The following ADGRL2 variants were observed in gnomAD, a reference collection of about 807,000 sequenced individuals.
ADGRL2 encodes the protein adhesion G protein-coupled receptor L2.
A neutral mutation model predicts 157.4 loss-of-function variants in ADGRL2; 44 were observed. The ratio of observed to expected loss-of-function variants is 0.28; its 90% CI spans 0.22 to 0.36. The LOEUF (loss-of-function observed/expected upper bound fraction) is 0.36. Ranked by LOEUF, ADGRL2 falls within the 10% of genes least tolerant of loss-of-function variation. The pLI is 1.00. For missense variants in ADGRL2, 1,510 were observed against 1,768.9 expected (o/e 0.85, Z 2.63); for synonymous variants, 585 against 624.7 (o/e 0.94, Z 0.95).
At chr1:81,442,203 C>T (rs943915866) in intron 1 of ADGRL2, among the ~76,000 whole-genome samples, 2 of 152,108 alleles carry the variant, frequency 1.3e-5, no homozygotes, top group African/African-American at 4.8e-5. Flanking sequence ...AATATAAAGT[C>T]CTTTTAAAAA....
chr1:81,709,888 G>A (rs1224188076), intron 1 of ADGRL2, among the ~76,000 whole-genome samples: 1 of 152,088 alleles, frequency 6.6e-6, no homozygotes, highest in Admixed American at 6.6e-5. Context: ...AATGAAAGAA[G>A]TAAAGTCAAT....
intron 2 of ADGRL2, among the ~76,000 whole-genome samples, chr1:81,549,638 C>T (rs1250918912): frequency 6.6e-6 from 1 of 152,126 alleles, no homozygotes; most frequent in African/African-American, 2.4e-5. Context: ...TTGAGAAGAA[C>T]CTAGCCACCA....
intron 1 of ADGRL2, among the ~76,000 whole-genome samples, chr1:81,374,240 A>G (rs1053258600): frequency 2.0e-5 from 3 of 152,198 alleles, no homozygotes; most frequent in Admixed American, 2.0e-4. Context: ...CCCCAACGTG[A>G]CACAATAAGT....
intron 3 of ADGRL2, among the ~76,000 whole-genome samples, chr1:81,655,430 A>G (rs555202939): frequency 1.3e-5 from 2 of 152,140 alleles, no homozygotes; most frequent in Non-Finnish European, 2.9e-5. Context: ...TCAAACCCAC[A>G]TATGTCAGAC....
At chr1:81,723,429 A>C (rs1282855572) in intron 1 of ADGRL2, among the ~76,000 whole-genome samples, 2 of 152,218 alleles carry the variant, frequency 1.3e-5, no homozygotes, top group African/African-American at 4.8e-5. Flanking sequence ...ATTTAAAACA[A>C]ATTTAAAGGG....
chr1:81,799,981 C>G (rs1378203384), upstream of ADGRL2, among the ~76,000 whole-genome samples: 6 of 152,146 alleles, frequency 3.9e-5, no homozygotes, highest in African/African-American at 1.4e-4. Flanking sequence ...CTGTCCTGCT[C>G]TGTTCCTTTC....
At chr1:81,808,840 C>T (rs1475913529) in intron 1 of ADGRL2, among the ~76,000 whole-genome samples, 2 of 151,956 alleles carry the variant, frequency 1.3e-5, no homozygotes, top group African/African-American at 4.8e-5. Context: ...ATTCTGGCAC[C>T]CAGATTTACG....
intron 2 of ADGRL2, among the ~76,000 whole-genome samples, chr1:81,902,706 A>G (rs1474667673): frequency 6.6e-6 from 1 of 152,176 alleles, no homozygotes; most frequent in African/African-American, 2.4e-5. Context: ...AGGAAAGTAC[A>G]ATGAGGCATG....
intron 3 of ADGRL2, among the ~76,000 whole-genome samples, chr1:81,618,604 T>C (rs1186843315): frequency 6.6e-6 from 1 of 152,240 alleles, no homozygotes; most frequent in Non-Finnish European, 1.5e-5. Flanking sequence ...CAAGTGTGAC[T>C]GTTCACATAG....
chr1:81,545,811 C>A (rs2080002045), intron 2 of ADGRL2, among the ~76,000 whole-genome samples: 1 of 152,084 alleles, frequency 6.6e-6, no homozygotes, highest in African/African-American at 2.4e-5. Context: ...TCCTAACCCC[C>A]ACACTATCAA....
At chr1:81,355,078 T>C (rs1215510233) in intron 1 of ADGRL2, among the ~76,000 whole-genome samples, 1 of 152,214 alleles carries the variant, frequency 6.6e-6, no homozygotes, top group African/African-American at 2.4e-5. Flanking sequence ...TTTTTCTATG[T>C]TTTAATAAAT....
intron 2 of ADGRL2, among the ~76,000 whole-genome samples, chr1:81,518,170 G>A (rs2079225309): frequency 6.6e-6 from 1 of 152,250 alleles, no homozygotes; most frequent in African/African-American, 2.4e-5. Flanking sequence ...ATAAAGAGCA[G>A]GAAGGGCAGC....
intron 1 of ADGRL2, among the ~76,000 whole-genome samples, chr1:81,807,622 T>C (rs1259550932): frequency 6.6e-6 from 1 of 152,022 alleles, no homozygotes; most frequent in African/African-American, 2.4e-5. Flanking sequence ...TAGGGAATTA[T>C]AATCCTTGAC....
At chr1:81,967,934 T>C in intron 13 of ADGRL2, 92 bp from the exon 14 acceptor site, 1 of 1,063,206 alleles carries the variant, frequency 9.4e-7, no homozygotes, top group Non-Finnish European at 1.4e-6. Flanking sequence ...ATGCAAAGTT[T>C]AATCTAAATT....
At chr1:81,939,486 A>G (rs865866123) in intron 4 of ADGRL2, among the ~76,000 whole-genome samples, 2 of 151,542 alleles carry the variant, frequency 1.3e-5, no homozygotes, top group South Asian at 2.1e-4. Context: ...TTTATTTAGT[A>G]TGAAAAATAG....
intron 2 of ADGRL2, among the ~76,000 whole-genome samples, chr1:81,457,931 A>G (rs528197218): frequency 5.7e-4 from 87 of 152,342 alleles, no homozygotes; most frequent in African/African-American, 2.1e-3. Context: ...CAGATTTTGA[A>G]TTGAATGACC....
At chr1:81,740,487 A>G (rs2085038883) in intron 1 of ADGRL2, among the ~76,000 whole-genome samples, 1 of 152,228 alleles carries the variant, frequency 6.6e-6, no homozygotes, top group Admixed American at 6.5e-5. Context: ...AGCTAAGTTT[A>G]ACTTGGCAAC....
chr1:81,981,704 A>G, intron 18 of ADGRL2, 104 bp from the exon 19 acceptor site: 1 of 893,724 alleles, frequency 1.1e-6, no homozygotes, highest in Non-Finnish European at 1.7e-6. Context: ...TATGAATGTG[A>G]ACATAGAGAA....
chr1:81,355,172 G>C (rs1213692272), intron 1 of ADGRL2, among the ~76,000 whole-genome samples: 1 of 152,026 alleles, frequency 6.6e-6, no homozygotes, highest in Non-Finnish European at 1.5e-5. Context: ...CCAAAATGGT[G>C]AAACCCCAAC....
Sources: gnomAD v4.1 joint callset for allele counts (sites outside exome capture counted in the v4.1 genomes callset) on GRCh38, gnomAD v4.1.1 for gene constraint, MANE v1.5 for transcripts, NCBI Gene and HGNC (gene_info 2026-07-23, HGNC 2026-07-21) for gene names.